Variants in ATPSCKMT observed in about 807,000 individuals in gnomAD.
ATPSCKMT encodes the protein ATP synthase subunit C lysine N-methyltransferase.
In ATPSCKMT, 24 loss-of-function variants were observed where a neutral mutation model predicts 24.3. The observed-to-expected ratio is 0.99, with a 90% CI of 0.71 to 1.39. ATPSCKMT has a LOEUF of 1.39. ATPSCKMT is among the 40% of genes most tolerant of loss of function. The pLI is 0.00. For missense variants in ATPSCKMT, 311 were observed against 298.4 expected (o/e 1.04, Z -0.31); for synonymous variants, 95 against 110.5 (o/e 0.86, Z 0.88).
intron 1 of ATPSCKMT, among the ~76,000 whole-genome samples, chr5:10,246,853 C>T (rs1744955990): frequency 6.6e-6 from 1 of 152,176 alleles, no homozygotes; most frequent in Admixed American, 6.5e-5. Context: ...AATGCTATAA[C>T]ACAAACAAAA....
At chr5:10,237,115 G>A (rs1301446247) in intron 2 of ATPSCKMT, 2 of 980,704 alleles carry the variant, frequency 2.0e-6, no homozygotes, top group South Asian at 2.7e-5. Flanking sequence ...ACTGAAAACA[G>A]GTAAAAGTAA....
At position 10,239,205 on chromosome 5, in the gene ATPSCKMT, C is replaced by T. The variant is rs1048507711; in HGVS notation, c.168G>A (p.Thr56=). Residue 56 remains threonine (T), a synonymous_variant, in exon 2 of 5, where the codon ACG becomes ACA. Coordinates refer to ENST00000511437, the MANE Select transcript of ATPSCKMT (RefSeq NM_199133.4). The part of the protein sequence containing the change: ...GTLVAVYAVA[T]PFVTPALRKV... The stretch of plus-strand genomic sequence containing the variant: ...TTCGAAGGGCTGGCGTTACAAACGG[C>T]GTGGCTACAGCGTACACAGCCACCA... The T allele has an allele frequency of 1.2e-5, 19 of 1,614,076 alleles. No homozygotes were observed. Among genetic ancestry groups the T allele is most frequent in the Non-Finnish European group, 1.4e-5 (16 of 1,180,050 alleles).
At chr5:10,242,288 T>A (rs575852527) in intron 1 of ATPSCKMT, among the ~76,000 whole-genome samples, 82 of 152,360 alleles carry the variant, frequency 5.4e-4, no homozygotes, top group Non-Finnish European at 9.8e-4. Flanking sequence ...CACTACTTTA[T>A]CAACTAAGTT....
At chr5:10,245,209 A>C (rs1010852760) in intron 1 of ATPSCKMT, among the ~76,000 whole-genome samples, 1 of 150,750 alleles carries the variant, frequency 6.6e-6, no homozygotes, top group Non-Finnish European at 1.5e-5. Flanking sequence ...TCATGAGGTC[A>C]GGAGATTGAG....
intron 4 of ATPSCKMT, among the ~76,000 whole-genome samples, chr5:10,234,500 T>C (rs542025097): frequency 1.3e-5 from 2 of 152,326 alleles, no homozygotes; most frequent in East Asian, 3.9e-4. Context: ...TAAATTGTCT[T>C]TTTAAAAAAT....
intron 2 of ATPSCKMT, among the ~76,000 whole-genome samples, chr5:10,237,680 C>G (rs1429125781): frequency 6.6e-6 from 1 of 152,314 alleles, no homozygotes; most frequent in Non-Finnish European, 1.5e-5. Flanking sequence ...TAAGTCTAAT[C>G]ACCTCTTTCT....
At chr5:10,227,704 A>G (rs1743947065) in intron 4 of ATPSCKMT, 57 bp from the exon 5 acceptor site, 3 of 1,506,170 alleles carry the variant, frequency 2.0e-6, no homozygotes. Context: ...AAATGATCCC[A>G]AAATTTCCTG....
chr5:10,233,210 G>A (rs1357408657), intron 4 of ATPSCKMT, among the ~76,000 whole-genome samples: 1 of 152,104 alleles, frequency 6.6e-6, no homozygotes, highest in African/African-American at 2.4e-5. Flanking sequence ...GCTTTGTGGA[G>A]TCACCCAGCC....
chr5:10,230,682 T>TA (rs1041774765), intron 4 of ATPSCKMT, among the ~76,000 whole-genome samples: 6 of 152,110 alleles, frequency 3.9e-5, no homozygotes, highest in Admixed American at 3.9e-4. Context: ...TACAAAACTT[T>TA]AAACATAGTT....
rs979540192 is a variant in ATPSCKMT at position 10,231,203 on chromosome 5, C to T, written c.496-3556G>A. ...AAACTTCCAGTAACTTGGGCCAACA[C>T]GCTGGGGCTGCCTGTGACCCCACCT... On this transcript the variant is annotated intron_variant, in intron 4 of 4. Transcript: ENST00000511437. Among the ~76,000 whole-genome samples, 11 of 152,192 alleles carry T rather than the reference C, an allele frequency of 7.2e-5. 1 individual carries two copies. The highest frequency in any genetic ancestry group is 2.0e-4 in the Admixed American group (3 of 15,280).
chr5:10,237,713 G>A (rs1744436509), intron 2 of ATPSCKMT, among the ~76,000 whole-genome samples: 1 of 151,944 alleles, frequency 6.6e-6, no homozygotes, highest in Non-Finnish European at 1.5e-5. Context: ...CCAGTCTCAG[G>A]TATGTCTTTA....
intron 1 of ATPSCKMT, among the ~76,000 whole-genome samples, chr5:10,245,625 T>C (rs1744881567): frequency 6.6e-6 from 1 of 151,834 alleles, no homozygotes; most frequent in African/African-American, 2.4e-5. Flanking sequence ...TGTGCATCTG[T>C]GGTCCCTGCT....
chr5:10,233,872 T>C (rs1313784164), intron 4 of ATPSCKMT, among the ~76,000 whole-genome samples: 2 of 152,234 alleles, frequency 1.3e-5, no homozygotes, highest in South Asian at 2.1e-4. Context: ...ACCATCAAAA[T>C]TGCGTATCAA....
In ATPSCKMT at chr5:10,240,022, C is replaced by T. The variant is rs563923027; in HGVS notation, c.17-666G>A. On this transcript the variant is annotated intron_variant, in intron 1 of 4. Transcript: ENST00000511437. ...CGGGCCGATCACGAGGTCAGGACATCGAGACCATCCTGGCTAACATGGTGA... is the reference window on the plus strand; with the variant it reads ...CGGGCCGATCACGAGGTCAGGACATTGAGACCATCCTGGCTAACATGGTGA... Among the ~76,000 whole-genome samples the T allele has an allele frequency of 6.7e-4, 101 of 150,530 alleles. 1 individual carries two copies. In the Middle Eastern group the frequency reaches 0.01, roughly 16 times the overall value.
chr5:10,236,456 G>A (rs200313001), intron 3 of ATPSCKMT, 22 bp downstream of exon 3: 2 of 1,608,360 alleles, frequency 1.2e-6, no homozygotes, highest in African/African-American at 2.7e-5. Flanking sequence ...ATTTCTCTAG[G>A]GCCATTCTCT....
At chr5:10,232,212 G>GA (rs564908156) in intron 4 of ATPSCKMT, among the ~76,000 whole-genome samples, 2,152 of 149,002 alleles carry the variant, frequency 0.014, 17 homozygotes, top group Non-Finnish European at 0.022. Flanking sequence ...TCAAAAAAAA[G>GA]AAAAAAAAAA....
intron 4 of ATPSCKMT, among the ~76,000 whole-genome samples, chr5:10,230,743 C>G (rs904708664): frequency 1.1e-4 from 17 of 152,100 alleles, no homozygotes; most frequent in African/African-American, 4.1e-4. Context: ...ATCCCGCCCC[C>G]CAGGAACCCC....
intron 1 of ATPSCKMT, among the ~76,000 whole-genome samples, 163 bp from the exon 2 acceptor site, chr5:10,239,519 T>C (rs1278094934): frequency 2.6e-5 from 4 of 152,238 alleles, no homozygotes; most frequent in Non-Finnish European, 5.9e-5. Flanking sequence ...CAATTAGTTC[T>C]AAATCCTATT....
At position 10,239,088 on chromosome 5, in the gene ATPSCKMT, G is replaced by A. The variant is rs559416355; in HGVS notation, c.285C>T (p.Ile95=). ...TCACAATGCGTCCGTCCCCACTACC[G>A]ATGTCCACAAGGGATCCTCTTCGGC... ...LRCRRGSLVD[I]GSGDGRIVIA... is the part of the protein sequence containing the mutation. The change falls in exon 2 of 5, where the codon ATC becomes ATT. Residue 95 remains isoleucine, a synonymous_variant. Transcript: ENST00000511437. 34 of 1,613,980 alleles carry A rather than the reference G, an allele frequency of 2.1e-5. No individual in the cohort carries two copies. Among genetic ancestry groups the A allele is most frequent in the Admixed American group, 1.2e-4 (7 of 60,014 alleles).
Sources: gnomAD v4.1 joint callset for allele counts (sites outside exome capture counted in the v4.1 genomes callset) on GRCh38, gnomAD v4.1.1 for gene constraint, MANE v1.5 for transcripts, NCBI Gene and HGNC (gene_info 2026-07-23, HGNC 2026-07-21) for gene names.